The following ITPKB variants were observed in gnomAD, a reference collection of about 807,000 sequenced individuals.
The protein encoded by ITPKB is inositol-trisphosphate 3-kinase B.
ITPKB carries 13 observed loss-of-function variants against 69.4 expected under a neutral mutation model. The ratio of observed to expected loss-of-function variants is 0.19; its 90% CI spans 0.12 to 0.30. ITPKB has a LOEUF of 0.30. Ranked by LOEUF, ITPKB falls within the 10% of genes least tolerant of loss-of-function variation. The probability of loss-of-function intolerance (pLI) is 1.00; values close to 1 mark genes in which losing one functional copy is unlikely to be tolerated. For synonymous variants in ITPKB, 584 were observed against 513.7 expected (o/e 1.14, Z -1.85); for missense variants, 1,240 against 1,250.5 (o/e 0.99, Z 0.13).
chr1:226,702,284 C>T (rs1656686832), intron 2 of ITPKB, among the ~76,000 whole-genome samples: 1 of 151,844 alleles, frequency 6.6e-6, no homozygotes, highest in Admixed American at 6.6e-5. Flanking sequence ...ATAATCCCAG[C>T]TACTCGGGAG....
At chr1:226,714,932 G>A (rs916790476) in intron 2 of ITPKB, among the ~76,000 whole-genome samples, 6 of 152,218 alleles carry the variant, frequency 3.9e-5, no homozygotes, top group African/African-American at 7.2e-5. Context: ...GTCACAAATG[G>A]GGGGAGGTGC....
In ITPKB at chr1:226,632,909, CAA is replaced by C. The variant is rs985899682; in HGVS notation, c.*1760_*1761del. 23 of 152,212 alleles carry C rather than the reference CAA, an allele frequency of 1.5e-4. No individual in the cohort carries two copies. The highest frequency in any genetic ancestry group is 5.6e-4 in the African/African-American group (23 of 41,410). The allele number at this position is 152,212 out of a possible 1,614,324, so 9.4% of individuals were successfully genotyped here. A position where few individuals can be genotyped will look rare whatever the true frequency, so the allele number is the denominator to read the frequency against. The stretch of plus-strand genomic sequence containing the variant: ...CAGACCACCAGGGTCCCTTCTAGCC[CAA>C]AAGTCACTATAGCTCCAGAGGCCCA... On this transcript the variant is annotated 3_prime_UTR_variant, in exon 8 of 8. Coordinates refer to ENST00000429204, the MANE Select transcript of ITPKB (RefSeq NM_002221.4).
At chr1:226,696,472 T>A (rs1312890098) in intron 2 of ITPKB, among the ~76,000 whole-genome samples, 4 of 152,166 alleles carry the variant, frequency 2.6e-5, no homozygotes, top group African/African-American at 9.7e-5. Context: ...CGGCTTCCAC[T>A]TCCGACAAGG....
chr1:226,703,570 G>A (rs1011181314), intron 2 of ITPKB, among the ~76,000 whole-genome samples: 7 of 152,166 alleles, frequency 4.6e-5, no homozygotes, highest in African/African-American at 1.7e-4. Context: ...CGGCCGGGGA[G>A]GGGGCGCCGT....
At chr1:226,728,111 G>A (rs769881054) in intron 2 of ITPKB, among the ~76,000 whole-genome samples, 1 of 152,118 alleles carries the variant, frequency 6.6e-6, no homozygotes, top group Non-Finnish European at 1.5e-5. Context: ...CACTCCAAGT[G>A]AAATCATACA....
At chr1:226,653,127 C>T (rs893670109) in intron 2 of ITPKB, among the ~76,000 whole-genome samples, 2 of 152,094 alleles carry the variant, frequency 1.3e-5, no homozygotes, top group Non-Finnish European at 2.9e-5. Flanking sequence ...TGGCCTTGTT[C>T]CTATGTTCTA....
At position 226,735,981 on chromosome 1, in the gene ITPKB, C is replaced by A. The variant is rs376931152; in HGVS notation, c.1478G>T (p.Cys493Phe). 8.7e-6 allele frequency: 14 copies of A among 1,613,896 alleles called. No individual in the cohort carries two copies. Among genetic ancestry groups the A allele is most frequent in the Non-Finnish European group, 1.2e-5 (14 of 1,180,026 alleles). Reference sequence around the variant, plus strand: ...CACACCCACCCTGTCCCCAGGAGGGCACTGAGGTTCTTTCAGATCTTTCGC... The same window carrying A: ...CACACCCACCCTGTCCCCAGGAGGGAACTGAGGTTCTTTCAGATCTTTCGC... ...DAAKDLKEPQCPPGDRVGVQP... is the reference protein window; with the variant it reads ...DAAKDLKEPQFPPGDRVGVQP... The change falls in exon 2 of 8, where the codon TGC becomes TTC. Residue 493 changes from cysteine (C) to phenylalanine (F), a missense_variant. Coordinates refer to ENST00000429204, the MANE Select transcript of ITPKB (RefSeq NM_002221.4).
At chr1:226,665,348 A>T (rs1237718649) in intron 2 of ITPKB, among the ~76,000 whole-genome samples, 1 of 152,230 alleles carries the variant, frequency 6.6e-6, no homozygotes, top group Non-Finnish European at 1.5e-5. Context: ...CTCACTGGCC[A>T]TGTCAACGCG....
intron 2 of ITPKB, among the ~76,000 whole-genome samples, chr1:226,649,288 T>C (rs74417545): frequency 0.022 from 3,240 of 144,284 alleles, 105 homozygotes; most frequent in Admixed American, 0.094. Context: ...CATGTGTGTG[T>C]GCGTGTGTGT....
Position 226,700,283 on chromosome 1 carries a change from A to T in ITPKB, c.1932+35244T>A, listed in dbSNP as rs12403854. Among the ~76,000 whole-genome samples the T allele has an allele frequency of 5.7e-3, 874 of 152,168 alleles. 24 individuals carry two copies. Among genetic ancestry groups the T allele is most frequent in the East Asian group, 0.049 (251 of 5,172 alleles). ...CAGGAGATCGAGACCATCCTGGCCAACATGGTGAAACCCCGTCTCTACTAA... is the reference window on the plus strand; with the variant it reads ...CAGGAGATCGAGACCATCCTGGCCATCATGGTGAAACCCCGTCTCTACTAA... On this transcript the variant is annotated intron_variant, in intron 2 of 7. Coordinates refer to ENST00000429204, the MANE Select transcript of ITPKB (RefSeq NM_002221.4).
intron 2 of ITPKB, among the ~76,000 whole-genome samples, chr1:226,697,899 G>T (rs1374574371): frequency 2.6e-5 from 4 of 152,208 alleles, no homozygotes; most frequent in Non-Finnish European, 5.9e-5. Context: ...ACCCCCTGGG[G>T]GCAGCCCGGT....
At chr1:226,705,386 G>A (rs560979161) in intron 2 of ITPKB, among the ~76,000 whole-genome samples, 7 of 151,976 alleles carry the variant, frequency 4.6e-5, no homozygotes, top group Non-Finnish European at 7.4e-5. Flanking sequence ...AAAATGAGCC[G>A]GGCGTGGTGA....
intron 2 of ITPKB, among the ~76,000 whole-genome samples, chr1:226,660,483 A>G (rs772381403): frequency 3.9e-5 from 6 of 152,244 alleles, no homozygotes; most frequent in Non-Finnish European, 7.3e-5. Flanking sequence ...GGCAGGGCCC[A>G]GCAAATGCTC....
chr1:226,737,129 C>T lies in ITPKB; in HGVS notation c.330G>A (p.Arg110=), dbSNP rs367792168. ...GGGTACCGGCTGCCACCACCTGCTG[C>T]CGGTCCCCTCGCAGGCGACCAGCCC... ...PSWAGRLRGD[R]QQVVAAGTLS... Residue 110 remains arginine (R), a synonymous_variant, in exon 2 of 8, where the codon CGG becomes CGA. Transcript: ENST00000429204. 8.2e-5 allele frequency: 131 copies of T among 1,602,584 alleles called. No homozygotes were observed. The highest frequency in any genetic ancestry group is 1.1e-4 in the Non-Finnish European group (126 of 1,179,658).
intron 2 of ITPKB, among the ~76,000 whole-genome samples, chr1:226,702,354 C>A (rs952698271): frequency 6.6e-6 from 1 of 150,500 alleles, no homozygotes; most frequent in African/African-American, 2.5e-5. Context: ...GCGGACATCA[C>A]GCCACTACAC....
At chr1:226,692,050 G>T (rs1558086971) in intron 2 of ITPKB, among the ~76,000 whole-genome samples, 1 of 152,162 alleles carries the variant, frequency 6.6e-6, no homozygotes, top group Non-Finnish European at 1.5e-5. Flanking sequence ...AAAACGCCTG[G>T]GAGGGAATCA....
chr1:226,711,030 T>C (rs573797598), intron 2 of ITPKB, among the ~76,000 whole-genome samples: 1 of 152,362 alleles, frequency 6.6e-6, no homozygotes, highest in East Asian at 1.9e-4. Flanking sequence ...ACTGCATTCA[T>C]GAAGCTGGCC....
chr1:226,671,667 GC>G (rs1669621010), intron 2 of ITPKB, among the ~76,000 whole-genome samples: 1 of 152,180 alleles, frequency 6.6e-6, no homozygotes, highest in African/African-American at 2.4e-5. Context: ...CCCCAGGGAG[GC>G]GGGGAGAGGG....
intron 2 of ITPKB, among the ~76,000 whole-genome samples, chr1:226,690,447 C>T (rs1656321482): frequency 6.6e-6 from 1 of 152,080 alleles, no homozygotes; most frequent in African/African-American, 2.4e-5. Flanking sequence ...TGTCAGGCTC[C>T]CAAACTGGTC....
Sources: gnomAD v4.1 joint callset for allele counts (sites outside exome capture counted in the v4.1 genomes callset) on GRCh38, gnomAD v4.1.1 for gene constraint, MANE v1.5 for transcripts, NCBI Gene and HGNC (gene_info 2026-07-23, HGNC 2026-07-21) for gene names.